TESK2: variants seen among roughly 807,000 people sequenced by gnomAD.
The protein encoded by TESK2 is dual specificity testis-specific protein kinase 2.
In TESK2, 39 loss-of-function variants were observed where a neutral mutation model predicts 57.1. That is an observed-to-expected ratio of 0.68 (90% CI 0.53 to 0.89). The LOEUF (loss-of-function observed/expected upper bound fraction) is 0.89. TESK2 is among the 40% of genes least tolerant of loss of function. The pLI, the probability that TESK2 is intolerant of heterozygous loss-of-function variation, is 0.00. For missense variants in TESK2, 646 were observed against 732.1 expected, an observed-to-expected ratio of 0.88 and a Z score of 1.36; for synonymous variants, 249 against 267.9, an observed-to-expected ratio of 0.93 and a Z score of 0.69.
chr1:45,360,235 T>C (rs1647624011), intron 4 of TESK2, among the ~76,000 whole-genome samples: 1 of 152,178 alleles, frequency 6.6e-6, no homozygotes, highest in Admixed American at 6.5e-5. Flanking sequence ...ACTGAGCTTG[T>C]GAACTTCAGG....
intron 3 of TESK2, among the ~76,000 whole-genome samples, chr1:45,414,060 GA>G (rs1182653075): frequency 6.6e-6 from 1 of 152,120 alleles, no homozygotes; most frequent in Non-Finnish European, 1.5e-5. Context: ...GGCATTTAAG[GA>G]GTCACAGGGA....
Position 45,398,187 on chromosome 1 carries a change from G to A in TESK2, c.345-12227C>T, listed in dbSNP as rs185912742. Among the ~76,000 whole-genome samples the A allele has an allele frequency of 2.3e-3, 351 of 152,264 alleles. 3 individuals carry two copies. Among genetic ancestry groups the A allele is most frequent in the African/African-American group, 8.2e-3 (340 of 41,540 alleles). On this transcript the variant is annotated intron_variant, in intron 3 of 10. Transcript: ENST00000372086. ...GCCTCCCAAAGGGCTGGGATTACAG[G>A]TGGGAGCCACTGTGCCTGGCCTGTC...
At chr1:45,347,321 T>C (rs928008631) in intron 7 of TESK2, among the ~76,000 whole-genome samples, 13 of 152,068 alleles carry the variant, frequency 8.5e-5, no homozygotes, top group African/African-American at 2.4e-4. Context: ...ATCCCAGCAC[T>C]TCAAGAGGCC....
intron 1 of TESK2, among the ~76,000 whole-genome samples, chr1:45,477,772 C>G (rs1013199871): frequency 6.6e-6 from 1 of 152,194 alleles, no homozygotes; most frequent in African/African-American, 2.4e-5. Flanking sequence ...TTCGAAGACT[C>G]TGCTCCACTA....
intron 2 of TESK2, among the ~76,000 whole-genome samples, chr1:45,447,032 A>C (rs192319491): frequency 6.6e-6 from 1 of 152,346 alleles, no homozygotes; most frequent in East Asian, 1.9e-4. Flanking sequence ...AGCCTGGGCA[A>C]CATAGTGAGA....
At chr1:45,475,226 T>TTTTTTTTC (rs1303348315) in intron 1 of TESK2, among the ~76,000 whole-genome samples, 2 of 142,626 alleles carry the variant, frequency 1.4e-5, no homozygotes, top group African/African-American at 5.1e-5. Flanking sequence ...TTTTTTTTTT[T>TTTTTTTTC]TTTTGAGTCT....
At chr1:45,484,364 C>T (rs1455970071) in intron 1 of TESK2, among the ~76,000 whole-genome samples, 1 of 151,904 alleles carries the variant, frequency 6.6e-6, no homozygotes, top group Non-Finnish European at 1.5e-5. Flanking sequence ...CGGCCTCTGC[C>T]GCCCAAAGTG....
intron 2 of TESK2, among the ~76,000 whole-genome samples, chr1:45,425,494 A>T (rs1650651594): frequency 6.6e-6 from 1 of 152,014 alleles, no homozygotes; most frequent in South Asian, 2.1e-4. Flanking sequence ...CTCTACAAAA[A>T]ATACAAAAAA....
At chr1:45,351,072 G>A (rs1647223886) in intron 5 of TESK2, among the ~76,000 whole-genome samples, 1 of 152,194 alleles carries the variant, frequency 6.6e-6, no homozygotes, top group South Asian at 2.1e-4. Context: ...AAAGAACTAA[G>A]AACTAAAGGT....
intron 2 of TESK2, among the ~76,000 whole-genome samples, chr1:45,448,110 C>T (rs1651714682): frequency 6.7e-6 from 1 of 148,238 alleles, no homozygotes; most frequent in Non-Finnish European, 1.5e-5. Flanking sequence ...TGCTAATGCA[C>T]ACTTGTACTC....
chr1:45,362,875 C>A (rs1486143282), intron 4 of TESK2, among the ~76,000 whole-genome samples: 3 of 151,802 alleles, frequency 2.0e-5, no homozygotes, highest in Non-Finnish European at 4.4e-5. Context: ...GGATGCCATA[C>A]AATCAACTAA....
chr1:45,355,813 T>C (rs1050564309), intron 4 of TESK2, among the ~76,000 whole-genome samples: 3 of 152,150 alleles, frequency 2.0e-5, no homozygotes, highest in East Asian at 1.9e-4. Flanking sequence ...AGCAGGAAAG[T>C]AGCACGAAAG....
chr1:45,427,223 A>G (rs921065602), intron 2 of TESK2, among the ~76,000 whole-genome samples: 1 of 147,748 alleles, frequency 6.8e-6, no homozygotes, highest in Admixed American at 6.8e-5. Flanking sequence ...AGCCTCAGCA[A>G]GACTCTGTCT....
intron 2 of TESK2, among the ~76,000 whole-genome samples, chr1:45,433,848 T>G (rs1052246876): frequency 1.3e-5 from 2 of 152,218 alleles, no homozygotes; most frequent in Admixed American, 6.5e-5. Context: ...TTTACTTTTT[T>G]GAGACATCTC....
chr1:45,469,497 C>CA (rs1203812473), intron 1 of TESK2, among the ~76,000 whole-genome samples: 5 of 152,164 alleles, frequency 3.3e-5, no homozygotes, highest in Non-Finnish European at 7.4e-5. Flanking sequence ...TAGTGAGACT[C>CA]AGGATTCAAA....
intron 1 of TESK2, among the ~76,000 whole-genome samples, chr1:45,471,660 C>G (rs1024210084): frequency 6.6e-6 from 1 of 151,984 alleles, no homozygotes; most frequent in African/African-American, 2.4e-5. Flanking sequence ...CCCAACTCAG[C>G]CTCCCAAAGT....
chr1:45,388,922 G>A (rs548132489), intron 3 of TESK2, among the ~76,000 whole-genome samples: 2 of 151,966 alleles, frequency 1.3e-5, no homozygotes, highest in East Asian at 3.9e-4. Context: ...GGGTTTCACC[G>A]TGTTAGCTGA....
chr1:45,423,327 G>A (rs1432404948), intron 2 of TESK2, among the ~76,000 whole-genome samples: 2 of 152,086 alleles, frequency 1.3e-5, no homozygotes, highest in Non-Finnish European at 2.9e-5. Context: ...GGAGACCAAG[G>A]GGGACAGATC....
At chr1:45,399,002 A>C (rs751371891) in intron 3 of TESK2, 13 of 436,298 alleles carry the variant, frequency 3.0e-5, no homozygotes, top group East Asian at 1.4e-4. Context: ...AAAAAAAAAA[A>C]AAAAACAAGC....
Sources: gnomAD v4.1 joint callset for allele counts (sites outside exome capture counted in the v4.1 genomes callset) on GRCh38, gnomAD v4.1.1 for gene constraint, MANE v1.5 for transcripts, NCBI Gene and HGNC (gene_info 2026-07-23, HGNC 2026-07-21) for gene names.